SCFD2: variants seen among roughly 807,000 people sequenced by gnomAD.
The protein encoded by SCFD2 is sec1 family domain-containing protein 2.
Under a neutral mutation model 58.9 loss-of-function variants are expected in SCFD2, and 54 were observed. That is an observed-to-expected ratio of 0.92 (90% confidence interval 0.74 to 1.15). SCFD2 has a LOEUF of 1.15. Among genes scored for constraint, SCFD2 ranks in the 50% most tolerant of loss-of-function variants. SCFD2 has a pLI of 0.00. For synonymous variants in SCFD2, 321 were observed against 335.9 expected (o/e 0.96, Z 0.49); for missense variants, 805 against 836.6 (o/e 0.96, Z 0.47).
At chr4:52,976,422 C>G (rs1044944845) in intron 5 of SCFD2, among the ~76,000 whole-genome samples, 1 of 152,176 alleles carries the variant, frequency 6.6e-6, no homozygotes, top group African/African-American at 2.4e-5. Context: ...AATTCTGGCT[C>G]TCCTCCTATC....
At chr4:53,055,486 A>AGGC (rs1723311871) in intron 5 of SCFD2, among the ~76,000 whole-genome samples, 1 of 152,128 alleles carries the variant, frequency 6.6e-6, no homozygotes, top group Admixed American at 6.6e-5. Context: ...AAAGTTGCCT[A>AGGC]AAAACAGGCC....
chr4:53,202,825 T>C (rs1294331338), intron 4 of SCFD2, among the ~76,000 whole-genome samples: 3 of 152,128 alleles, frequency 2.0e-5, no homozygotes, highest in Non-Finnish European at 4.4e-5. Context: ...TGGCTCTCTG[T>C]TTGTCTGTTA....
chr4:53,338,716 G>A (rs1733762782), intron 2 of SCFD2, among the ~76,000 whole-genome samples: 1 of 150,336 alleles, frequency 6.7e-6, no homozygotes, highest in Admixed American at 6.6e-5. Flanking sequence ...GAGTAGCTGG[G>A]ACCACAGGCA....
intron 5 of SCFD2, among the ~76,000 whole-genome samples, chr4:53,047,571 C>T (rs747350622): frequency 3.9e-5 from 6 of 152,200 alleles, no homozygotes; most frequent in East Asian, 3.8e-4. Context: ...ACCTGTACCA[C>T]GCACACTAAT....
At chr4:53,342,897 TC>T (rs1733928958) in intron 2 of SCFD2, among the ~76,000 whole-genome samples, 1 of 152,210 alleles carries the variant, frequency 6.6e-6, no homozygotes, top group African/African-American at 2.4e-5. Flanking sequence ...ATAAAGATGT[TC>T]TTTGAAACCA....
chr4:53,041,277 T>G (rs4864715), intron 5 of SCFD2, among the ~76,000 whole-genome samples: 33,113 of 152,128 alleles, frequency 0.22, 6,080 homozygotes, highest in African/African-American at 0.51. Context: ...GGATGCTTGA[T>G]ACAGTTTCAC....
chr4:53,161,675 C>T (rs1361576541), intron 4 of SCFD2, among the ~76,000 whole-genome samples: 2 of 152,064 alleles, frequency 1.3e-5, no homozygotes, highest in East Asian at 1.9e-4. Context: ...CCAGTTGAGC[C>T]GTAAGTTGCA....
At chr4:53,179,532 G>T (rs142359237) in intron 4 of SCFD2, among the ~76,000 whole-genome samples, 2,430 of 152,334 alleles carry the variant, frequency 0.016, 37 homozygotes, top group Non-Finnish European at 0.025. Context: ...ACCAGTACCA[G>T]CCACTGCAAA....
Position 53,352,591 on chromosome 4 carries a change from A to C in SCFD2, c.1007+7T>G, listed in dbSNP as rs1377836810. 1 of 1,608,286 alleles carries C rather than the reference A, an allele frequency of 6.2e-7. No individual in the cohort carries two copies. The highest frequency in any genetic ancestry group is 8.5e-7 in the Non-Finnish European group (1 of 1,175,406). ...AAAGATAAGATGACAAAAACTATATATCTTACCTGGATTGTGAAAGACAGC... is the reference window on the plus strand; with the variant it reads ...AAAGATAAGATGACAAAAACTATATCTCTTACCTGGATTGTGAAAGACAGC... On this transcript the variant is annotated splice_region_variant and intron_variant, in intron 2 of 8. Coordinates refer to ENST00000401642, the MANE Select transcript of SCFD2 (RefSeq NM_152540.4).
intron 5 of SCFD2, among the ~76,000 whole-genome samples, chr4:53,092,571 C>A (rs919996762): frequency 6.6e-6 from 1 of 151,916 alleles, no homozygotes; most frequent in Non-Finnish European, 1.5e-5. Context: ...AATGGTTAAA[C>A]AAACTGTGCT....
chr4:53,334,529 C>T (rs921464473), intron 2 of SCFD2, among the ~76,000 whole-genome samples: 3 of 148,464 alleles, frequency 2.0e-5, no homozygotes, highest in Non-Finnish European at 4.4e-5. Context: ...CATATTCTCA[C>T]TCATAGGTGG....
intron 6 of SCFD2, among the ~76,000 whole-genome samples, chr4:52,917,017 C>T (rs551014508): frequency 7.2e-5 from 11 of 152,238 alleles, no homozygotes; most frequent in Non-Finnish European, 1.5e-4. Context: ...GTTGTCTTAG[C>T]CTCCCTAGTA....
intron 5 of SCFD2, among the ~76,000 whole-genome samples, chr4:52,959,230 G>A (rs1171108072): frequency 1.3e-5 from 2 of 152,142 alleles, no homozygotes; most frequent in African/African-American, 4.8e-5. Flanking sequence ...GCTGTGTGAT[G>A]TTCAACAGGT....
intron 5 of SCFD2, among the ~76,000 whole-genome samples, chr4:52,952,257 A>ACAGCCCCATCCCCTCTCG: frequency 1.7e-5 from 1 of 59,128 alleles, no homozygotes; most frequent in Non-Finnish European, 3.5e-5. Context: ...ATCCCCTCTC[A>ACAGCCCCATCCCCTCTCG]CACCCCCATC....
intron 5 of SCFD2, among the ~76,000 whole-genome samples, chr4:52,955,030 T>A (rs189901070): frequency 6.6e-6 from 1 of 152,278 alleles, no homozygotes; most frequent in Non-Finnish European, 1.5e-5. Flanking sequence ...TCTTGAGACT[T>A]TCCTCACTCC....
intron 3 of SCFD2, among the ~76,000 whole-genome samples, chr4:53,299,453 C>G (rs1486903558): frequency 6.6e-6 from 1 of 152,074 alleles, no homozygotes; most frequent in Non-Finnish European, 1.5e-5. Context: ...TGTGAAAAGA[C>G]CAAATCTATA....
intron 2 of SCFD2, among the ~76,000 whole-genome samples, chr4:53,333,170 T>C (rs1733550371): frequency 7.4e-6 from 1 of 135,762 alleles, no homozygotes. Context: ...ATGGCCATAC[T>C]GCCCAAGGTA....
At chr4:53,183,678 A>G (rs1727654088) in intron 4 of SCFD2, among the ~76,000 whole-genome samples, 2 of 152,078 alleles carry the variant, frequency 1.3e-5, no homozygotes, top group African/African-American at 4.8e-5. Context: ...AAAAAAAAGA[A>G]ATGAAAACTA....
chr4:53,336,383 GAA>G (rs1223659369), intron 2 of SCFD2, among the ~76,000 whole-genome samples: 2 of 151,886 alleles, frequency 1.3e-5, no homozygotes, highest in African/African-American at 4.8e-5. Context: ...TAGAGTAAAA[GAA>G]AAAAAGATAA....
Sources: gnomAD v4.1 joint callset for allele counts (sites outside exome capture counted in the v4.1 genomes callset) on GRCh38, gnomAD v4.1.1 for gene constraint, MANE v1.5 for transcripts, NCBI Gene and HGNC (gene_info 2026-07-23, HGNC 2026-07-21) for gene names.